Variants in PCDHGA2 observed in about 807,000 individuals in gnomAD.
PCDHGA2 encodes protocadherin gamma-A2.
PCDHGA2 carries 40 observed loss-of-function variants against 59.2 expected under a neutral mutation model. The observed-to-expected ratio is 0.68, with a 90% CI of 0.52 to 0.88. PCDHGA2 has a LOEUF of 0.88. PCDHGA2 is among the 40% of genes least tolerant of loss of function. The probability of loss-of-function intolerance (pLI) is 0.00; values close to 1 mark genes in which losing one functional copy is unlikely to be tolerated. For synonymous variants in PCDHGA2, 560 were observed against 526.0 expected (o/e 1.06, Z -0.89); for missense variants, 1,226 against 1,204.0 (o/e 1.02, Z -0.27).
chr5:141,434,724 C>T (rs2097712360), intron 1 of PCDHGA2, among the ~76,000 whole-genome samples: 2 of 151,800 alleles, frequency 1.3e-5, no homozygotes, highest in Admixed American at 1.3e-4. Flanking sequence ...GTTCAGGGCT[C>T]TCAGCTCTGA....
intron 1 of PCDHGA2, chr5:141,344,929 G>C (rs1446885491): frequency 6.2e-7 from 1 of 1,613,770 alleles, no homozygotes; most frequent in South Asian, 1.1e-5. Context: ...TCAGTGAGTG[G>C]AGAAGTATCA....
At chr5:141,349,420 G>A (rs1332927767) in intron 1 of PCDHGA2, among the ~76,000 whole-genome samples, 1 of 151,986 alleles carries the variant, frequency 6.6e-6, no homozygotes, top group Non-Finnish European at 1.5e-5. Context: ...TAAAACAAAT[G>A]TACATTATAT....
chr5:141,340,305 T>A lies in PCDHGA2; in HGVS notation c.1334T>A (p.Ile445Asn). ...DAHILLQVAD[I>N]NDNAPAFSRT... ...CACATTTTGCTCCAGGTGGCAGACA[T>A]CAACGACAACGCACCCGCCTTCTCC... Residue 445 changes from isoleucine to asparagine, a missense_variant, in exon 1 of 4, where the codon ATC becomes AAC. Coordinates refer to ENST00000394576, the MANE Select transcript of PCDHGA2 (RefSeq NM_018915.4). 1 of 1,614,132 alleles carries A rather than the reference T, an allele frequency of 6.2e-7. No homozygotes were observed. Among genetic ancestry groups the A allele is most frequent in the Non-Finnish European group, 8.5e-7 (1 of 1,180,034 alleles).
At chr5:141,453,042 A>G (rs2098754438) in intron 1 of PCDHGA2, among the ~76,000 whole-genome samples, 1 of 152,116 alleles carries the variant, frequency 6.6e-6, no homozygotes, top group Non-Finnish European at 1.5e-5. Context: ...GTTTGTTTCT[A>G]TTATGTGCAG....
Position 141,408,446 on chromosome 5 carries a change from G to A in PCDHGA2, c.2424+67051G>A, listed in dbSNP as rs371079756. 1.7e-5 allele frequency: 28 copies of A among 1,613,946 alleles called. No individual in the cohort carries two copies. Among genetic ancestry groups the A allele is most frequent in the Non-Finnish European group, 1.1e-5 (13 of 1,179,916 alleles). On this transcript the variant is annotated intron_variant, in intron 1 of 3. Transcript: ENST00000394576. ...GCACTTCAGCGTAGACGCGGAGAGC[G>A]GGGACTTACTTGTGAAGAACCGAAT...
At position 141,432,871 on chromosome 5, in the gene PCDHGA2, C is replaced by T. The variant is rs1190891661; in HGVS notation, c.2425-61936C>T. On this transcript the variant is annotated intron_variant, in intron 1 of 3. Transcript: ENST00000394576. This position sits in a 1 kb window ranked among gnomAD's most constrained non-coding sequence, Gnocchi z 6.0. ...CGGTGGCCGCGGTCTCCTGCGTCTT[C>T]CTGGCCTTCGTCATCTTGCTGCTGG... 1 of 1,614,216 alleles carries T rather than the reference C, an allele frequency of 6.2e-7. No homozygotes were observed. Among genetic ancestry groups the T allele is most frequent in the Non-Finnish European group, 8.5e-7 (1 of 1,180,018 alleles).
Position 141,490,683 on chromosome 5 carries a change from A to C in PCDHGA2, c.2425-4124A>C, listed in dbSNP as rs766019662. 6 of 1,614,088 alleles carry C rather than the reference A, an allele frequency of 3.7e-6. No homozygotes were observed. The highest frequency in any genetic ancestry group is 5.1e-6 in the Non-Finnish European group (6 of 1,180,034). On this transcript the variant is annotated intron_variant, in intron 1 of 3. Transcript: ENST00000394576. The surrounding 1 kb of genome is among the most constrained non-coding windows in gnomAD (Gnocchi z 5.4). ...TTTGCACTGTGGCTGCCTCAGATCCAGACACTGGGGATAATGCCCGCCTCA... is the reference window on the plus strand; with the variant it reads ...TTTGCACTGTGGCTGCCTCAGATCCCGACACTGGGGATAATGCCCGCCTCA...
chr5:141,344,926 G>C, intron 1 of PCDHGA2: 1 of 1,613,900 alleles, frequency 6.2e-7, no homozygotes, highest in Non-Finnish European at 8.5e-7. Context: ...AACTCAGTGA[G>C]TGGAGAAGTA....
chr5:141,404,550 C>A (rs372202008), intron 1 of PCDHGA2: 3 of 1,613,768 alleles, frequency 1.9e-6, no homozygotes, highest in Admixed American at 1.7e-5. Flanking sequence ...ATGCAGGTGA[C>A]GGCAAGTGAC....
intron 1 of PCDHGA2, chr5:141,361,827 C>A: frequency 6.2e-7 from 1 of 1,612,982 alleles, no homozygotes. Flanking sequence ...GGGTGCTGTA[C>A]CCCGCGCTGG....
intron 1 of PCDHGA2, chr5:141,424,561 T>C (rs972361161): frequency 7.9e-5 from 12 of 152,236 alleles, no homozygotes; most frequent in African/African-American, 2.9e-4. Flanking sequence ...TCAGTGCTTC[T>C]CAAAAACCTA....
chr5:141,363,373 G>GT (rs1231434540), intron 1 of PCDHGA2, among the ~76,000 whole-genome samples: 4 of 151,738 alleles, frequency 2.6e-5, no homozygotes, highest in Non-Finnish European at 5.9e-5. Flanking sequence ...CAATCAAGAG[G>GT]TTTTTCTATT....
At chr5:141,370,746 C>A in intron 1 of PCDHGA2, 1 of 1,613,906 alleles carries the variant, frequency 6.2e-7, no homozygotes, top group Non-Finnish European at 8.5e-7. Context: ...AAACTTTTTT[C>A]ATGTAACTGT....
In PCDHGA2 at chr5:141,410,620, G is replaced by C. The variant is rs765125633; in HGVS notation, c.2424+69225G>C. ...CTTCACATCCTGAGACTCTGACTTC[G>C]GTGAGTTTCTCTTTTTTGTGTGTGA... On this transcript the variant is annotated intron_variant, in intron 1 of 3. Coordinates refer to ENST00000394576, the MANE Select transcript of PCDHGA2 (RefSeq NM_018915.4). The C allele has an allele frequency of 3.4e-5, 55 of 1,603,406 alleles. 1 individual carries two copies. The highest frequency in any genetic ancestry group is 2.8e-4 in the Admixed American group (17 of 59,744).
chr5:141,428,180 C>A, intron 1 of PCDHGA2: 1 of 1,486,268 alleles, frequency 6.7e-7, no homozygotes, highest in Non-Finnish European at 9.2e-7. Flanking sequence ...TGACGGAGGA[C>A]AGCCGCCGCT....
chr5:141,341,695 G>A (rs940705511), intron 1 of PCDHGA2: 1 of 544,056 alleles, frequency 1.8e-6, no homozygotes. Flanking sequence ...CCATCCCTGG[G>A]CAAATCATCT....
intron 1 of PCDHGA2, among the ~76,000 whole-genome samples, chr5:141,354,688 A>T (rs1249702605): frequency 6.6e-6 from 1 of 152,196 alleles, no homozygotes; most frequent in Non-Finnish European, 1.5e-5. Flanking sequence ...TATGTCCCTC[A>T]CACAATACGC....
chr5:141,408,937 C>T (rs2095198483), intron 1 of PCDHGA2: 5 of 1,613,344 alleles, frequency 3.1e-6, no homozygotes, highest in African/African-American at 1.3e-5. Flanking sequence ...TCAGCAGAGA[C>T]GAATATAGAA....
chr5:141,343,891 C>T, intron 1 of PCDHGA2: 1 of 710,658 alleles, frequency 1.4e-6, no homozygotes, highest in Non-Finnish European at 2.2e-6. Flanking sequence ...TCCGGGGCGG[C>T]TGCCAACCTC....
Sources: gnomAD v4.1 joint callset for allele counts (sites outside exome capture counted in the v4.1 genomes callset) on GRCh38, gnomAD v4.1.1 for gene constraint, Gnocchi (gnomAD v3.1) non-coding constraint, MANE v1.5 for transcripts, NCBI Gene and HGNC (gene_info 2026-07-23, HGNC 2026-07-21) for gene names.